ZFAND3: variants seen among roughly 807,000 people sequenced by gnomAD.
The protein encoded by ZFAND3 is AN1-type zinc finger protein 3.
Under a neutral mutation model 29.6 loss-of-function variants are expected in ZFAND3, and 10 were observed. The ratio of observed to expected loss-of-function variants is 0.34; its 90% CI spans 0.21 to 0.57. ZFAND3 has a LOEUF of 0.57. Among genes scored for constraint, ZFAND3 ranks in the 20% least tolerant of loss-of-function variants. The pLI is 0.86. For synonymous variants in ZFAND3, 128 were observed against 112.6 expected, an observed-to-expected ratio of 1.14 and a Z score of -0.87; for missense variants, 230 against 304.5, an observed-to-expected ratio of 0.76 and a Z score of 1.82.
chr6:38,089,463 T>C (rs556154232), intron 4 of ZFAND3, among the ~76,000 whole-genome samples: 2 of 152,290 alleles, frequency 1.3e-5, no homozygotes, highest in South Asian at 2.1e-4. Context: ...GCTTATGATA[T>C]TGTTTCTTCT....
Position 38,154,452 on chromosome 6 carries a change from T to G in ZFAND3, c.*2063T>G, listed in dbSNP as rs1766310487. 1 of 985,700 alleles carries G rather than the reference T, an allele frequency of 1.0e-6. No homozygotes were observed. Among genetic ancestry groups the G allele is most frequent in the Admixed American group, 6.1e-5 (1 of 16,270 alleles). 61.1% of individuals were successfully genotyped at this position (985,700 alleles called of 1,614,324 possible). ...TGTTAAATGTAAGGAAAGCTTAAAT[T>G]CTTGTATCTTTAAAAGAGAAAATCT... On this transcript the variant is annotated 3_prime_UTR_variant, in exon 6 of 6. Transcript: ENST00000287218.
intron 5 of ZFAND3, among the ~76,000 whole-genome samples, chr6:38,144,992 C>G (rs564665835): frequency 1.8e-4 from 27 of 152,324 alleles, no homozygotes; most frequent in African/African-American, 6.5e-4. Flanking sequence ...TCAGGAAATT[C>G]TGTGTAAAAG....
intron 2 of ZFAND3, among the ~76,000 whole-genome samples, chr6:38,056,517 A>G (rs1053480106): frequency 2.6e-5 from 4 of 152,232 alleles, no homozygotes; most frequent in East Asian, 1.9e-4. Flanking sequence ...GCATGTGCAT[A>G]TCAAAGGGAG....
At chr6:37,914,672 C>CTTTTTTTTCTTTT (rs1554157844) in intron 1 of ZFAND3, among the ~76,000 whole-genome samples, 15 of 114,226 alleles carry the variant, frequency 1.3e-4, no homozygotes, top group African/African-American at 2.9e-4. Flanking sequence ...CTTTTTTTTT[C>CTTTTTTTTCTTTT]TTTTTTTTTT....
chr6:37,862,505 G>A (rs1321478074), intron 1 of ZFAND3, among the ~76,000 whole-genome samples: 5 of 149,582 alleles, frequency 3.3e-5, no homozygotes, highest in Non-Finnish European at 7.4e-5. Context: ...GACATAGTGA[G>A]ACCCTATCTT....
chr6:38,052,773 C>T (rs1173262164), intron 2 of ZFAND3, among the ~76,000 whole-genome samples: 4 of 152,012 alleles, frequency 2.6e-5, no homozygotes, highest in African/African-American at 7.2e-5. Flanking sequence ...TGGTGGCTCA[C>T]GCCTGTAATC....
chr6:37,875,033 T>C (rs1265735535), intron 1 of ZFAND3, among the ~76,000 whole-genome samples: 1 of 152,172 alleles, frequency 6.6e-6, no homozygotes, highest in Non-Finnish European at 1.5e-5. Flanking sequence ...TTGAATGAGA[T>C]GGCTAATCTT....
At chr6:38,089,973 C>T (rs1764831412) in intron 4 of ZFAND3, among the ~76,000 whole-genome samples, 2 of 152,166 alleles carry the variant, frequency 1.3e-5, no homozygotes, top group Non-Finnish European at 2.9e-5. Flanking sequence ...CCTGCCTCAG[C>T]CTCCTGAGTA....
intron 1 of ZFAND3, among the ~76,000 whole-genome samples, chr6:37,873,101 C>CAAA (rs369148005): frequency 6.1e-5 from 9 of 148,436 alleles, no homozygotes; most frequent in Non-Finnish European, 1.2e-4. Context: ...TACTTAAAAA[C>CAAA]AAAAAAAACC....
intron 2 of ZFAND3, among the ~76,000 whole-genome samples, chr6:37,935,420 A>G (rs748601418): frequency 6.6e-6 from 1 of 152,216 alleles, no homozygotes; most frequent in African/African-American, 2.4e-5. Flanking sequence ...AAATGAATAT[A>G]AAAAGCGAGA....
At chr6:37,998,705 T>G (rs1207495202) in intron 2 of ZFAND3, among the ~76,000 whole-genome samples, 1 of 152,176 alleles carries the variant, frequency 6.6e-6, no homozygotes, top group Non-Finnish European at 1.5e-5. Flanking sequence ...ACATGTATAC[T>G]GGAATTGACC....
intron 5 of ZFAND3, among the ~76,000 whole-genome samples, chr6:38,144,231 A>ATATATATATAATATATATATATATATT (rs1365246829): frequency 2.7e-5 from 2 of 75,256 alleles, no homozygotes; most frequent in African/African-American, 8.5e-5. Flanking sequence ...ATATATATAT[A>ATATATATATAATATATATATATATATT]TTTTTTTTTT....
intron 4 of ZFAND3, among the ~76,000 whole-genome samples, chr6:38,098,888 G>GTTTTTGT (rs967994143): frequency 6.6e-6 from 1 of 152,032 alleles, no homozygotes; most frequent in Non-Finnish European, 1.5e-5. Context: ...TATATATGTG[G>GTTTTTGT]TTTTTGTTTT....
At chr6:37,852,285 A>C (rs544038529) in intron 1 of ZFAND3, among the ~76,000 whole-genome samples, 10 of 152,256 alleles carry the variant, frequency 6.6e-5, no homozygotes, top group Admixed American at 2.0e-4. Context: ...ACTTGGTGGG[A>C]AGTGGTGCTA....
intron 2 of ZFAND3, among the ~76,000 whole-genome samples, chr6:37,957,487 T>C (rs1418766790): frequency 6.6e-6 from 1 of 152,144 alleles, no homozygotes. Context: ...TACTAAACTT[T>C]CAACATGTAT....
intron 4 of ZFAND3, among the ~76,000 whole-genome samples, chr6:38,116,281 C>T (rs1032778245): frequency 1.3e-5 from 2 of 152,190 alleles, no homozygotes; most frequent in African/African-American, 4.8e-5. Flanking sequence ...GGAATGGTCT[C>T]CTCATAGAAT....
intron 4 of ZFAND3, among the ~76,000 whole-genome samples, chr6:38,108,489 G>T (rs140461331): frequency 6.6e-6 from 1 of 152,168 alleles, no homozygotes; most frequent in Non-Finnish European, 1.5e-5. Flanking sequence ...AGCCGAGCTC[G>T]AGTCCCTGGG....
At chr6:37,970,335 T>TG (rs1011523294) in intron 2 of ZFAND3, among the ~76,000 whole-genome samples, 1 of 152,182 alleles carries the variant, frequency 6.6e-6, no homozygotes, top group African/African-American at 2.4e-5. Context: ...GAATTATGCT[T>TG]GCAGTTTTTG....
chr6:37,913,472 C>G (rs1490220813), intron 1 of ZFAND3, among the ~76,000 whole-genome samples: 1 of 152,142 alleles, frequency 6.6e-6, no homozygotes, highest in Non-Finnish European at 1.5e-5. Context: ...ACCTCTGATT[C>G]TAGTTCTCTT....
Sources: allele counts gnomAD v4.1 joint callset (sites outside exome capture counted in the v4.1 genomes callset), GRCh38; gene constraint gnomAD v4.1.1; transcripts MANE v1.5; gene names NCBI Gene and HGNC (gene_info 2026-07-23, HGNC 2026-07-21).